Variants in RBM46 observed in about 807,000 individuals in gnomAD.
The protein encoded by RBM46 is RNA binding motif protein 46, also known as probable RNA-binding protein 46.
In RBM46, 12 loss-of-function variants were observed where a neutral mutation model predicts 43.3. That is an observed-to-expected ratio of 0.28 (90% CI 0.18 to 0.45). RBM46 has a LOEUF of 0.45. Ranked by LOEUF, RBM46 falls within the 20% of genes least tolerant of loss-of-function variation. The pLI, the probability that RBM46 is intolerant of heterozygous loss-of-function variation, is 1.00. For missense variants in RBM46, 412 were observed against 639.1 expected (o/e 0.64, Z 3.83); for synonymous variants, 205 against 207.6 (o/e 0.99, Z 0.11).
chr4:154,807,847 A>G (rs1734979398), intron 4 of RBM46, among the ~76,000 whole-genome samples: 1 of 151,958 alleles, frequency 6.6e-6, no homozygotes, highest in Admixed American at 6.6e-5. Flanking sequence ...GAGATGTATT[A>G]ATGACATGCG....
intron 1 of RBM46, among the ~76,000 whole-genome samples, chr4:154,793,220 C>T (rs1012772675): frequency 1.1e-4 from 16 of 152,186 alleles, no homozygotes; most frequent in African/African-American, 3.9e-4. Context: ...AGCTTCATAA[C>T]ATTCCCTGTA....
intron 4 of RBM46, among the ~76,000 whole-genome samples, chr4:154,813,572 A>G (rs1325469104): frequency 1.3e-5 from 2 of 152,120 alleles, no homozygotes; most frequent in African/African-American, 2.4e-5. Flanking sequence ...TTTAAAATTC[A>G]TTATGTAATC....
rs1735799332 is a variant in RBM46, at chr4:154,823,213, C to G, written c.1403-4655C>G. ...TACAAAAAGTCCAGAATAGGCAAGT[C>G]TGTAGAAATACAAAGGCTAGTAGTT... is the stretch of plus-strand genomic sequence containing the variant. On this transcript the variant is annotated intron_variant, in intron 4 of 4. Transcript: ENST00000281722. Among the ~76,000 whole-genome samples the G allele has an allele frequency of 2.6e-5, 4 of 151,806 alleles. No homozygotes were observed. In the South Asian group the frequency reaches 8.3e-4, roughly 31 times the overall value.
chr4:154,797,663 G>A (rs1192364051), intron 2 of RBM46, 148 bp from the exon 3 acceptor site: 1 of 496,332 alleles, frequency 2.0e-6, no homozygotes, highest in East Asian at 3.2e-5. Context: ...ATAAGGGAAG[G>A]GGCTTTATTT....
intron 1 of RBM46, among the ~76,000 whole-genome samples, chr4:154,793,908 T>C (rs1049231753): frequency 2.0e-5 from 3 of 152,100 alleles, no homozygotes; most frequent in African/African-American, 7.2e-5. Flanking sequence ...AGCATTTGAG[T>C]GATCGTTTGA....
chr4:154,827,310 C>T, intron 4 of RBM46: 1 of 945,388 alleles, frequency 1.1e-6, no homozygotes, highest in Non-Finnish European at 1.3e-6. Context: ...TTTTATCATA[C>T]CAGTAGGACT....
At chr4:154,816,652 TTTTC>T (rs1735458051) in intron 4 of RBM46, among the ~76,000 whole-genome samples, 1 of 152,104 alleles carries the variant, frequency 6.6e-6, no homozygotes, top group African/African-American at 2.4e-5. Context: ...GTAAAGAGCT[TTTTC>T]TTCCTTTCCA....
rs1446140161 is a variant in RBM46, at chr4:154,781,277, A to C, written c.-171A>C. 1 of 152,176 alleles carries C rather than the reference A, an allele frequency of 6.6e-6. No individual in the cohort carries two copies. The highest frequency in any genetic ancestry group is 1.5e-5 in the Non-Finnish European group (1 of 68,070). 9.4% of individuals were successfully genotyped at this position (152,176 alleles called of 1,614,324 possible). A position where few individuals can be genotyped will look rare whatever the true frequency, so the allele number is the denominator to read the frequency against. ...CACCGCGCGCGCTGCGCGCTGGGAAACGAGTGGAGACACGAGGACCAGCGC... is the reference window on the plus strand; with the variant it reads ...CACCGCGCGCGCTGCGCGCTGGGAACCGAGTGGAGACACGAGGACCAGCGC... On this transcript the variant is annotated 5_prime_UTR_variant, in exon 1 of 5. Coordinates refer to ENST00000281722, the MANE Select transcript of RBM46 (RefSeq NM_144979.5).
At chr4:154,824,457 C>T (rs1735861750) in intron 4 of RBM46, among the ~76,000 whole-genome samples, 1 of 152,002 alleles carries the variant, frequency 6.6e-6, no homozygotes, top group Non-Finnish European at 1.5e-5. Context: ...AGATATTCAT[C>T]ATTAGGCAAA....
intron 4 of RBM46, among the ~76,000 whole-genome samples, chr4:154,815,509 A>G (rs982442952): frequency 1.3e-5 from 2 of 152,044 alleles, no homozygotes; most frequent in African/African-American, 4.8e-5. Flanking sequence ...TATTCTGATT[A>G]GTGTATATTT....
chr4:154,808,302 C>A lies in RBM46; in HGVS notation c.1402+8738C>A, dbSNP rs181691515. On this transcript the variant is annotated intron_variant, in intron 4 of 4. Transcript: ENST00000281722. ...GTAGATAAATCTTTGTTGACCTATG[C>A]TTTACTTTTTCTTTTGTGCAATTTG... Among the ~76,000 whole-genome samples, 474 of 151,992 alleles carry A rather than the reference C, an allele frequency of 3.1e-3. 5 individuals carry two copies. Among genetic ancestry groups the A allele is most frequent in the African/African-American group, 0.011 (444 of 41,536 alleles).
intron 4 of RBM46, chr4:154,827,393 C>G: frequency 3.0e-6 from 3 of 986,538 alleles, no homozygotes; most frequent in Non-Finnish European, 3.6e-6. Context: ...TATTGGCCAG[C>G]TAGTTTATAC....
At chr4:154,783,989 A>T (rs1733634137) in intron 1 of RBM46, among the ~76,000 whole-genome samples, 1 of 152,176 alleles carries the variant, frequency 6.6e-6, no homozygotes, top group Admixed American at 6.5e-5. Context: ...CTTAAAAACA[A>T]ACAGAAAACC....
intron 4 of RBM46, among the ~76,000 whole-genome samples, chr4:154,826,274 A>G (rs941862508): frequency 1.3e-5 from 2 of 152,092 alleles, no homozygotes; most frequent in Non-Finnish European, 2.9e-5. Context: ...CCCGGCCAAC[A>G]TGGTGAAACC....
intron 1 of RBM46, among the ~76,000 whole-genome samples, chr4:154,791,552 A>G (rs1734094062): frequency 6.6e-6 from 1 of 152,198 alleles, no homozygotes; most frequent in African/African-American, 2.4e-5. Flanking sequence ...GAAGTGAATC[A>G]TCTTTCAAAT....
chr4:154,802,353 G>A (rs1734677597), intron 4 of RBM46, among the ~76,000 whole-genome samples: 1 of 152,218 alleles, frequency 6.6e-6, no homozygotes, highest in Non-Finnish European at 1.5e-5. Context: ...GTAGGGCCAG[G>A]AGCTGTAGAC....
rs1736061397 is a variant in RBM46, at chr4:154,828,274, GT to G, written c.*210del. On this transcript the variant is annotated 3_prime_UTR_variant, in exon 5 of 5. Transcript: ENST00000281722. ...GCAAAGTTTAAAAAGTTATTCAGTGGTTTCTCTTGATAAAGGTACAGCAAAC... is the reference window on the plus strand; with the variant it reads ...GCAAAGTTTAAAAAGTTATTCAGTGGTTCTCTTGATAAAGGTACAGCAAAC... The G allele has an allele frequency of 1.8e-6, 1 of 544,058 alleles. No homozygotes were observed. 33.7% of individuals were successfully genotyped at this position (544,058 alleles called of 1,614,324 possible).
intron 4 of RBM46, among the ~76,000 whole-genome samples, chr4:154,811,338 A>G (rs957816059): frequency 3.3e-5 from 5 of 152,310 alleles, no homozygotes; most frequent in East Asian, 3.9e-4. Context: ...TACTTGGGAA[A>G]GTTACTTAAC....
intron 1 of RBM46, among the ~76,000 whole-genome samples, chr4:154,785,510 T>TA (rs1361658071): frequency 4.6e-5 from 7 of 152,260 alleles, no homozygotes; most frequent in African/African-American, 1.4e-4. Context: ...ATATGTAAGG[T>TA]ACCATATTAA....
Sources: allele counts gnomAD v4.1 joint callset (sites outside exome capture counted in the v4.1 genomes callset), GRCh38; gene constraint gnomAD v4.1.1; transcripts MANE v1.5; gene names NCBI Gene and HGNC (gene_info 2026-07-23, HGNC 2026-07-21).